The following NFIC variants were observed in gnomAD, a reference collection of about 807,000 sequenced individuals.
The protein encoded by NFIC is nuclear factor I C.
A neutral mutation model predicts 54.4 loss-of-function variants in NFIC; 12 were observed. The observed-to-expected ratio is 0.22, with a 90% CI of 0.14 to 0.36. The LOEUF (loss-of-function observed/expected upper bound fraction) is 0.36, where lower values mean the gene tolerates loss of function less well. Among genes scored for constraint, NFIC ranks in the 10% least tolerant of loss-of-function variants. The pLI is 1.00. For missense variants in NFIC, 575 were observed against 718.2 expected (o/e 0.80, Z 2.28); for synonymous variants, 322 against 319.2 (o/e 1.01, Z -0.09).
chr19:3,360,389 C>T (rs948244693), intron 1 of NFIC, among the ~76,000 whole-genome samples: 1 of 151,228 alleles, frequency 6.6e-6, no homozygotes. Flanking sequence ...GAGGGACCCC[C>T]GGGTCTCGGC....
At chr19:3,455,634 T>C (rs375112843) in intron 9 of NFIC, among the ~76,000 whole-genome samples, 7 of 151,396 alleles carry the variant, frequency 4.6e-5, no homozygotes, top group African/African-American at 1.7e-4. Flanking sequence ...GATGAGATTA[T>C]GCCCAGAGCC....
intron 6 of NFIC, among the ~76,000 whole-genome samples, chr19:3,442,342 A>C (rs1281721965): frequency 1.3e-5 from 2 of 148,412 alleles, no homozygotes; most frequent in African/African-American, 5.0e-5. Context: ...GGCAGCCCCC[A>C]TCCATTCCTC....
Position 3,464,075 on chromosome 19 carries a change from G to GC in NFIC, c.*1312dup, listed in dbSNP as rs143359349. Reference sequence around the variant, plus strand: ...GGGTGGGCTCTGGGGAAGCCGGTGCGCCCCCCACGCCTCCGCTGCCAGTGC... The same window carrying GC: ...GGGTGGGCTCTGGGGAAGCCGGTGCGCCCCCCCACGCCTCCGCTGCCAGTGC... On this transcript the variant is annotated 3_prime_UTR_variant, in exon 11 of 11. Transcript: ENST00000443272. 7.3e-3 allele frequency: 7,158 copies of GC among 984,950 alleles called. 151 individuals are homozygous for GC. The East Asian group carries it at 0.089, about 12-fold the overall frequency. The allele number at this position is 984,950 out of a possible 1,614,324, so 61.0% of individuals were successfully genotyped here.
intron 9 of NFIC, among the ~76,000 whole-genome samples, chr19:3,455,573 C>A (rs1215409219): frequency 1.3e-5 from 2 of 149,636 alleles, no homozygotes; most frequent in African/African-American, 2.4e-5. Context: ...GCCTGGTATA[C>A]AATAGACACT....
intron 2 of NFIC, among the ~76,000 whole-genome samples, chr19:3,418,821 C>T (rs1833449164): frequency 6.6e-6 from 1 of 152,114 alleles, no homozygotes; most frequent in African/African-American, 2.4e-5. Context: ...CACTGCACTC[C>T]AGCCTGGGCA....
chr19:3,380,440 C>G (rs1327537221), intron 1 of NFIC, among the ~76,000 whole-genome samples: 1 of 148,092 alleles, frequency 6.8e-6, no homozygotes, highest in Non-Finnish European at 1.5e-5. Flanking sequence ...ATTCTCCTGT[C>G]TCAGCCTCCT....
In NFIC at chr19:3,458,943, A is replaced by G. The variant is rs957509805; in HGVS notation, c.1509+2308A>G. Among the ~76,000 whole-genome samples, 1 of 152,018 alleles carries G rather than the reference A, an allele frequency of 6.6e-6. No homozygotes were observed. The highest frequency in any genetic ancestry group is 2.4e-5 in the African/African-American group (1 of 41,386). On this transcript the variant is annotated intron_variant, in intron 10 of 10. Transcript: ENST00000443272. The surrounding 1 kb of genome is among the most constrained non-coding windows in gnomAD (Gnocchi z 4.1). ...GGAGCACAGGTCTGGGGAGGACCCC[A>G]TTGCTGCTGCCCTGACTGGACTAAG...
At chr19:3,382,359 C>G in intron 2 of NFIC, 116 bp downstream of exon 2, 1 of 1,407,774 alleles carries the variant, frequency 7.1e-7, no homozygotes, top group Non-Finnish European at 9.5e-7. Flanking sequence ...ATGTGGTGGT[C>G]TGAGAGGGGA....
chr19:3,388,257 G>A (rs767499380), intron 2 of NFIC, among the ~76,000 whole-genome samples: 20 of 152,298 alleles, frequency 1.3e-4, no homozygotes, highest in Admixed American at 4.6e-4. Flanking sequence ...GTTCCCCAGC[G>A]CTTCCTGGAT....
intron 2 of NFIC, among the ~76,000 whole-genome samples, chr19:3,389,138 CAG>C (rs1445302700): frequency 6.6e-6 from 1 of 152,124 alleles, no homozygotes; most frequent in East Asian, 1.9e-4. Context: ...CGTGCACACT[CAG>C]GGAGTAAATG....
At chr19:3,419,754 G>A (rs531216175) in intron 2 of NFIC, among the ~76,000 whole-genome samples, 32 of 150,386 alleles carry the variant, frequency 2.1e-4, no homozygotes, top group African/African-American at 6.4e-4. Context: ...AGCTGAGATC[G>A]CACCATTGCA....
At chr19:3,422,215 G>A (rs2081963409) in intron 2 of NFIC, among the ~76,000 whole-genome samples, 1 of 152,026 alleles carries the variant, frequency 6.6e-6, no homozygotes, top group African/African-American at 2.4e-5. Context: ...GGGATTACAG[G>A]AGTGAGCCAC....
At chr19:3,368,547 G>C (rs530484023) in intron 1 of NFIC, among the ~76,000 whole-genome samples, 2 of 152,348 alleles carry the variant, frequency 1.3e-5, no homozygotes, top group Admixed American at 6.5e-5. Context: ...CAGAGAGACA[G>C]AGGCAGAGAG....
In NFIC at chr19:3,459,905, C is replaced by G. The variant is rs946339190; in HGVS notation, c.1510-2847C>G. Among the ~76,000 whole-genome samples, 7 of 152,268 alleles carry G rather than the reference C, an allele frequency of 4.6e-5. No homozygotes were observed. The East Asian group carries it at 1.4e-3, about 29-fold the overall frequency. ...ATTTGCTGCAGCGGTGGGGGGCGGC[C>G]CCACCTCTAACCTCAGTTGGGGAGT... On this transcript the variant is annotated intron_variant, in intron 10 of 10. Transcript: ENST00000443272. The surrounding 1 kb of genome is among the most constrained non-coding windows in gnomAD (Gnocchi z 4.2).
intron 7 of NFIC, among the ~76,000 whole-genome samples, chr19:3,450,268 C>G (rs2082439889): frequency 6.6e-6 from 1 of 151,832 alleles, no homozygotes; most frequent in Admixed American, 6.6e-5. Flanking sequence ...TGGCGTGAAC[C>G]CGGGAGGCGG....
Position 3,453,770 on chromosome 19 carries a change from G to A in NFIC, c.1277G>A (p.Gly426Glu). The part of the protein sequence containing the change: ...PASQQPGPLN[G>E]SGQLKMPSHC... ...GTCTCTCTGTTCCCCCAGTTAAATG[G>A]AAGTGGTCAGCTCAAAATGCCCAGC... Residue 426 changes from glycine (G) to glutamate (E), a missense_variant, in exon 9 of 11, where the codon GGA (glycine) becomes GAA (glutamate). Physicochemically the swap from Gly to Glu is moderately conservative, Grantham distance 98 (BLOSUM62 -2). This residue lies in a region of NFIC where 447 missense variants were observed against 526.9 expected (regional missense o/e 0.85). Coordinates refer to ENST00000443272, the MANE Select transcript of NFIC (RefSeq NM_001245002.2). The surrounding 1 kb of genome is among the most constrained non-coding windows in gnomAD (Gnocchi z 6.7). 2 of 1,602,890 alleles carry A rather than the reference G, an allele frequency of 1.2e-6. No homozygotes were observed. The highest frequency in any genetic ancestry group is 2.3e-5 in the East Asian group (1 of 43,432).
chr19:3,383,754 C>A (rs2081249640), intron 2 of NFIC, among the ~76,000 whole-genome samples: 1 of 152,208 alleles, frequency 6.6e-6, no homozygotes, highest in South Asian at 2.1e-4. Flanking sequence ...ACACAGGTCA[C>A]CAGCCCAGCC....
intron 3 of NFIC, among the ~76,000 whole-genome samples, chr19:3,429,249 T>TACACACAC (rs1568443742): frequency 7.4e-5 from 2 of 27,140 alleles, no homozygotes; most frequent in Admixed American, 4.8e-4. Flanking sequence ...AAAAAAAAAA[T>TACACACAC]ATATACACAC....
chr19:3,462,710 C>T, intron 10 of NFIC, 42 bp from the exon 11 acceptor site: 3 of 1,610,294 alleles, frequency 1.9e-6, no homozygotes, highest in Middle Eastern at 1.7e-4. Context: ...ACTTCTCTCC[C>T]TTTTTCTCTC....
Sources: gnomAD v4.1 joint callset for allele counts (sites outside exome capture counted in the v4.1 genomes callset) on GRCh38, gnomAD v4.1.1 for gene constraint, gnomAD v4.1.1 regional missense constraint, Gnocchi (gnomAD v3.1) non-coding constraint, MANE v1.5 for transcripts, NCBI Gene and HGNC (gene_info 2026-07-23, HGNC 2026-07-21) for gene names.